GRIK4: variants seen among roughly 807,000 people sequenced by gnomAD.
GRIK4 encodes glutamate ionotropic receptor kainate type subunit 4, also known as glutamate receptor ionotropic, kainate 4.
Under a neutral mutation model 104.9 loss-of-function variants are expected in GRIK4, and 40 were observed. That is an observed-to-expected ratio of 0.38 (90% CI 0.30 to 0.50). The LOEUF (loss-of-function observed/expected upper bound fraction) is 0.50. Among genes scored for constraint, GRIK4 ranks in the 20% least tolerant of loss-of-function variants. The pLI, the probability that GRIK4 is intolerant of heterozygous loss-of-function variation, is 0.93. For synonymous variants in GRIK4, 485 were observed against 524.9 expected (o/e 0.92, Z 1.04); for missense variants, 1,047 against 1,308.1 (o/e 0.80, Z 3.08).
chr11:120,847,488 T>C (rs921668606), intron 8 of GRIK4, among the ~76,000 whole-genome samples: 4 of 152,202 alleles, frequency 2.6e-5, no homozygotes, highest in South Asian at 2.1e-4. Context: ...CTTCCTGGAA[T>C]AGGCCAATCC....
At chr11:120,703,420 T>A (rs1205830512) in intron 3 of GRIK4, among the ~76,000 whole-genome samples, 1 of 151,982 alleles carries the variant, frequency 6.6e-6, no homozygotes, top group Non-Finnish European at 1.5e-5. Flanking sequence ...AAGGAGATAA[T>A]GTATGTGACC....
chr11:120,570,991 G>A (rs1381741900), intron 1 of GRIK4, among the ~76,000 whole-genome samples: 2 of 152,114 alleles, frequency 1.3e-5, no homozygotes, highest in Admixed American at 6.5e-5. Context: ...CTTACCAATA[G>A]CCTCTCAGAA....
At position 120,986,205 on chromosome 11, in the gene GRIK4, G is replaced by GCAGC. The variant is rs1944747215; in HGVS notation, c.2817_2820dup (p.Glu941GlnfsTer206). The GCAGC allele has an allele frequency of 6.4e-7, 1 of 1,570,122 alleles. No homozygotes were observed. Among genetic ancestry groups the GCAGC allele is most frequent in the Non-Finnish European group, 8.6e-7 (1 of 1,167,986 alleles). On this transcript the variant is annotated frameshift_variant, in exon 21 of 21. Coordinates refer to ENST00000527524, the MANE Select transcript of GRIK4 (RefSeq NM_014619.5). LOFTEE classifies it high-confidence loss of function. ...CTGCGGGCACGGCCGTCGCCCGCCC[G>GCAGC]CAGCGAGGAGAGCCTGGAGTGGGAG...
intron 14 of GRIK4, among the ~76,000 whole-genome samples, chr11:120,942,483 G>A (rs1187353083): frequency 6.6e-6 from 1 of 152,130 alleles, no homozygotes. Context: ...CTAGATTCCT[G>A]GAGGGAACTA....
At chr11:120,901,425 A>G (rs1053339006) in intron 12 of GRIK4, among the ~76,000 whole-genome samples, 6 of 151,906 alleles carry the variant, frequency 3.9e-5, no homozygotes, top group African/African-American at 1.2e-4. Flanking sequence ...ATGTCTATGC[A>G]TCCTTCAAGG....
intron 14 of GRIK4, among the ~76,000 whole-genome samples, chr11:120,945,161 TTCC>T (rs1267959960): frequency 6.6e-6 from 1 of 152,192 alleles, no homozygotes; most frequent in Non-Finnish European, 1.5e-5. Flanking sequence ...GGTCAGCCCC[TTCC>T]TGCCTCCTCA....
intron 4 of GRIK4, among the ~76,000 whole-genome samples, chr11:120,806,556 G>C (rs1952716390): frequency 6.6e-6 from 1 of 152,206 alleles, no homozygotes; most frequent in Admixed American, 6.5e-5. Context: ...CTCTGCTTCA[G>C]GGGGATGAAA....
rs973655181 is a variant in GRIK4, at chr11:120,698,701, G to A, written c.82+38301G>A. Among the ~76,000 whole-genome samples the A allele has an allele frequency of 2.0e-5, 3 of 152,080 alleles. No homozygotes were observed. In the East Asian group the frequency reaches 5.8e-4, roughly 29 times the overall value. On this transcript the variant is annotated intron_variant, in intron 3 of 20. Transcript: ENST00000527524. ...TGGCTTCCTGTGCTGCCAGTTTGCA[G>A]TGCAGTTCCTGCTGCCTCCCTGCCC...
intron 9 of GRIK4, among the ~76,000 whole-genome samples, chr11:120,867,286 A>G (rs1453630880): frequency 6.6e-6 from 1 of 152,150 alleles, no homozygotes; most frequent in Non-Finnish European, 1.5e-5. Flanking sequence ...GGGCTGAGAA[A>G]TTCACAGCAC....
chr11:120,710,195 C>T (rs1243040574), intron 3 of GRIK4, among the ~76,000 whole-genome samples: 3 of 145,596 alleles, frequency 2.1e-5, no homozygotes, highest in East Asian at 2.0e-4. Context: ...TCTAGTAACT[C>T]GGAGAAATAG....
chr11:120,784,014 G>A (rs2135478977), intron 3 of GRIK4, among the ~76,000 whole-genome samples: 1 of 152,254 alleles, frequency 6.6e-6, no homozygotes, highest in South Asian at 2.1e-4. Context: ...GCGAGGCAGG[G>A]TTCACACCCA....
At chr11:120,842,395 A>G (rs956437882) in intron 8 of GRIK4, among the ~76,000 whole-genome samples, 10 of 152,218 alleles carry the variant, frequency 6.6e-5, no homozygotes, top group Admixed American at 2.6e-4. Context: ...CATTGGCTAG[A>G]ATTCATCACA....
chr11:120,893,777 A>G (rs1247364031), intron 11 of GRIK4, among the ~76,000 whole-genome samples: 1 of 152,218 alleles, frequency 6.6e-6, no homozygotes, highest in African/African-American at 2.4e-5. Flanking sequence ...CAAATGCTAC[A>G]CATGAGGGTC....
At chr11:120,923,745 G>A (rs957080444) in intron 13 of GRIK4, among the ~76,000 whole-genome samples, 5 of 152,084 alleles carry the variant, frequency 3.3e-5, no homozygotes, top group Admixed American at 1.3e-4. Flanking sequence ...GAATAAACCC[G>A]TGAAGCGGAA....
intron 3 of GRIK4, among the ~76,000 whole-genome samples, chr11:120,723,271 A>G (rs1429220029): frequency 6.6e-6 from 1 of 152,126 alleles, no homozygotes; most frequent in Non-Finnish European, 1.5e-5. Context: ...TGTTCTTCAC[A>G]CTTGAAGGTG....
At chr11:120,729,725 GCTGA>G (rs534928706) in intron 3 of GRIK4, among the ~76,000 whole-genome samples, 223 of 152,020 alleles carry the variant, frequency 1.5e-3, no homozygotes, top group African/African-American at 4.7e-3. Context: ...TCTTCAGTTT[GCTGA>G]CTGTTTCCTT....
intron 11 of GRIK4, among the ~76,000 whole-genome samples, chr11:120,881,726 C>T (rs1356018970): frequency 1.3e-5 from 2 of 152,262 alleles, no homozygotes; most frequent in Middle Eastern, 3.2e-3. Flanking sequence ...TTAATCTCCT[C>T]TCCTGCCATC....
At chr11:120,523,926 CTTTTT>C (rs35679853) in intron 1 of GRIK4, among the ~76,000 whole-genome samples, 1 of 141,596 alleles carries the variant, frequency 7.1e-6, no homozygotes, top group Non-Finnish European at 1.6e-5. Context: ...CTTCTGCATT[CTTTTT>C]TTTTTTTTTT....
intron 3 of GRIK4, among the ~76,000 whole-genome samples, chr11:120,738,837 A>T (rs796446122): frequency 3.3e-5 from 5 of 152,338 alleles, no homozygotes; most frequent in African/African-American, 1.2e-4. Context: ...GCTCAGTCAC[A>T]GCCATTTCTC....
Sources: allele counts gnomAD v4.1 joint callset (sites outside exome capture counted in the v4.1 genomes callset), GRCh38; gene constraint gnomAD v4.1.1; transcripts MANE v1.5; gene names NCBI Gene and HGNC (gene_info 2026-07-23, HGNC 2026-07-21).